The following SYNJ2 variants were observed in gnomAD, a reference collection of about 807,000 sequenced individuals.
SYNJ2 encodes polyphosphatidylinositol phosphatase SYNJ2.
A neutral mutation model predicts 141.3 loss-of-function variants in SYNJ2; 116 were observed. The ratio of observed to expected loss-of-function variants is 0.82; its 90% CI spans 0.71 to 0.96. The LOEUF (loss-of-function observed/expected upper bound fraction) is 0.96. Among genes scored for constraint, SYNJ2 ranks in the 40% least tolerant of loss-of-function variants. The pLI, the probability that SYNJ2 is intolerant of heterozygous loss-of-function variation, is 0.00. For synonymous variants in SYNJ2, 745 were observed against 777.7 expected (o/e 0.96, Z 0.70); for missense variants, 1,873 against 1,934.8 (o/e 0.97, Z 0.60).
Position 158,026,916 on chromosome 6 carries a change from A to G in SYNJ2, c.215-1840A>G. On this transcript the variant is annotated intron_variant, in intron 2 of 26. Transcript: ENST00000355585. The stretch of plus-strand genomic sequence containing the variant: ...GGAACCCCACCTATCCTACTTGAGA[A>G]GCTGAACTCTGACCCCTGTCCCTGT... 5 of 985,376 alleles carry G rather than the reference A, an allele frequency of 5.1e-6. No individual in the cohort carries two copies. In the South Asian group the frequency reaches 2.3e-4, roughly 46 times the overall value. 61.0% of individuals were successfully genotyped at this position (985,376 alleles called of 1,614,324 possible). A position where few individuals can be genotyped will look rare whatever the true frequency, so the allele number is the denominator to read the frequency against.
intron 25 of SYNJ2, among the ~76,000 whole-genome samples, chr6:158,091,945 G>A (rs1783484763): frequency 1.3e-5 from 2 of 152,094 alleles, no homozygotes; most frequent in Admixed American, 1.3e-4. Flanking sequence ...AAGGAGGCCT[G>A]GGTGGGGAGT....
intron 1 of SYNJ2, among the ~76,000 whole-genome samples, chr6:158,008,519 G>A (rs944652036): frequency 2.0e-5 from 3 of 152,196 alleles, no homozygotes; most frequent in African/African-American, 7.2e-5. Flanking sequence ...TGGTGCTGCT[G>A]GTGTGAGGAG....
At position 158,063,956 on chromosome 6, in the gene SYNJ2, G is replaced by A. The variant is rs145316502; in HGVS notation, c.1209+84G>A. On this transcript the variant is annotated intron_variant, in intron 9 of 26. Coordinates refer to ENST00000355585, the MANE Select transcript of SYNJ2 (RefSeq NM_003898.4). Reference sequence around the variant, plus strand: ...ACAGGCTGGGCTGAGCACCTTTAGCGGCAAGATGAGGGTGGCATCACCAAG... The same window carrying A: ...ACAGGCTGGGCTGAGCACCTTTAGCAGCAAGATGAGGGTGGCATCACCAAG... 1.8e-3 allele frequency: 2,524 copies of A among 1,401,120 alleles called. 43 individuals carry two copies. The African/African-American group carries it at 0.03, about 17-fold the overall frequency. The allele number at this position is 1,401,120 out of a possible 1,614,324, so 86.8% of individuals were successfully genotyped here.
chr6:158,069,930 C>T (rs1479514094), intron 14 of SYNJ2, among the ~76,000 whole-genome samples: 1 of 152,226 alleles, frequency 6.6e-6, no homozygotes, highest in Non-Finnish European at 1.5e-5. Flanking sequence ...TGATTGTCAT[C>T]GCCCAAGCTC....
chr6:158,037,789 G>A (rs1018038546), intron 4 of SYNJ2, among the ~76,000 whole-genome samples: 1 of 152,222 alleles, frequency 6.6e-6, no homozygotes, highest in Non-Finnish European at 1.5e-5. Context: ...TTCACCATAT[G>A]GTTTTTGGAA....
chr6:158,020,718 CT>C (rs1439626928), intron 2 of SYNJ2, among the ~76,000 whole-genome samples: 3 of 151,546 alleles, frequency 2.0e-5, no homozygotes, highest in Non-Finnish European at 4.4e-5. Context: ...GTGACTCCAA[CT>C]TTCAGTTGCC....
chr6:158,068,124 C>T (rs1453618504), intron 12 of SYNJ2, among the ~76,000 whole-genome samples: 5 of 127,072 alleles, frequency 3.9e-5, no homozygotes, highest in African/African-American at 6.1e-5. Flanking sequence ...GACAGAGGGA[C>T]GGGGATTGTT....
chr6:158,007,188 G>A (rs191847735), intron 1 of SYNJ2, among the ~76,000 whole-genome samples: 92 of 152,020 alleles, frequency 6.1e-4, no homozygotes, highest in Non-Finnish European at 1.1e-3. Flanking sequence ...GGTTGTTCTC[G>A]AACTCCTGAG....
intron 5 of SYNJ2, among the ~76,000 whole-genome samples, chr6:158,052,309 A>C (rs1310123165): frequency 1.3e-5 from 2 of 152,264 alleles, no homozygotes; most frequent in Non-Finnish European, 2.9e-5. Flanking sequence ...GATTCACTAA[A>C]TTTTAACCTT....
chr6:157,983,198 T>C (rs1463622254), intron 1 of SYNJ2, among the ~76,000 whole-genome samples: 1 of 152,244 alleles, frequency 6.6e-6, no homozygotes, highest in Admixed American at 6.5e-5. Flanking sequence ...TTGGAAGGAC[T>C]ATCTCTCCTA....
intron 1 of SYNJ2, among the ~76,000 whole-genome samples, chr6:157,995,635 G>T (rs961596547): frequency 6.6e-6 from 1 of 152,204 alleles, no homozygotes; most frequent in African/African-American, 2.4e-5. Context: ...TTTGGCATGC[G>T]CCAGGAGACA....
In SYNJ2 at chr6:158,059,262, T is replaced by C. The variant is rs1781054986; in HGVS notation, c.863T>C (p.Met288Thr). The C allele has an allele frequency of 3.2e-6, 5 of 1,549,108 alleles. No individual in the cohort carries two copies. Among genetic ancestry groups the C allele is most frequent in the Non-Finnish European group, 4.4e-6 (5 of 1,146,442 alleles). ...EANAPAFDRH[M>T]VLLKEQYGQQ... Reference sequence around the variant, plus strand: ...CCACCCCGCTGCCTTTGCAGGCACATGGTGCTTCTGAAGGAGCAGTACGGG... The same window carrying C: ...CCACCCCGCTGCCTTTGCAGGCACACGGTGCTTCTGAAGGAGCAGTACGGG... The change falls in exon 7 of 27, where the codon ATG becomes ACG. Residue 288 changes from methionine to threonine, a missense_variant. Transcript: ENST00000355585.
At position 158,095,875 on chromosome 6, in the gene SYNJ2, G is replaced by A. The variant is rs3749847; in HGVS notation, c.4002G>A (p.Pro1334=). The change falls in exon 27 of 27, where the codon CCG becomes CCA. Residue 1334 remains proline, a synonymous_variant. Coordinates refer to ENST00000355585, the MANE Select transcript of SYNJ2 (RefSeq NM_003898.4). ...CGCCTCTTGTGCCCAAGGTACCCCC[G>A]AGGAGGAAGAAGTCAGCCCCCGCAG... ...EAPPLVPKVP[P]RRKKSAPAAF... 109 of 1,614,096 alleles carry A rather than the reference G, an allele frequency of 6.8e-5. 1 individual carries two copies. Among genetic ancestry groups the A allele is most frequent in the African/African-American group, 3.7e-4 (28 of 75,038 alleles).
chr6:158,084,259 CTG>C lies in SYNJ2; in HGVS notation c.3208+90_3208+91del. On this transcript the variant is annotated intron_variant, in intron 22 of 26. Transcript: ENST00000355585. This position sits in a 1 kb window ranked among gnomAD's most constrained non-coding sequence, Gnocchi z 5.0. ...TCCTTTTTCTCTTGGCGATTGGGCA[CTG>C]TGTGATATCAAGTATGCAGGTCCCA... 6.9e-7 allele frequency: 1 copy of C among 1,449,410 alleles called. No homozygotes were observed. Among genetic ancestry groups the C allele is most frequent in the Non-Finnish European group, 9.4e-7 (1 of 1,067,794 alleles). The allele number at this position is 1,449,410 out of a possible 1,614,324, so 89.8% of individuals were successfully genotyped here.
At chr6:157,981,411 C>T (rs888150941), upstream of SYNJ2, among the ~76,000 whole-genome samples, 1 of 152,224 alleles carries the variant, frequency 6.6e-6, no homozygotes, top group African/African-American at 2.4e-5. This position sits in a 1 kb window ranked among gnomAD's most constrained non-coding sequence, Gnocchi z 6.4. Flanking sequence ...CAGTTATGAC[C>T]CCGCTTCCCC....
chr6:158,092,368 CG>C (rs1783518771), intron 25 of SYNJ2, among the ~76,000 whole-genome samples: 1 of 152,178 alleles, frequency 6.6e-6, no homozygotes, highest in Non-Finnish European at 1.5e-5. Flanking sequence ...CTGCTGGGTG[CG>C]GTGGCTCACG....
Position 158,066,450 on chromosome 6 carries a change from C to T in SYNJ2, c.1532C>T (p.Pro511Leu). Reference protein sequence around the residue: ...LLDSTALLVTPRILKAMTERQ... With the variant: ...LLDSTALLVTLRILKAMTERQ... ...TTTTTATGCCTCCTGACAGTGACTC[C>T]CAGGATCCTGAAAGCTATGACTGAG... The change falls in exon 12 of 27, where the codon CCC (proline) becomes CTC (leucine). Residue 511 changes from proline to leucine, a missense_variant. Transcript: ENST00000355585. 6.2e-7 allele frequency: 1 copy of T among 1,614,178 alleles called. No individual in the cohort carries two copies. Among genetic ancestry groups the T allele is most frequent in the Non-Finnish European group, 8.5e-7 (1 of 1,180,044 alleles).
At chr6:157,992,401 C>CTTT (rs57905567) in intron 1 of SYNJ2, among the ~76,000 whole-genome samples, 1,611 of 120,092 alleles carry the variant, frequency 0.013, 3 homozygotes, top group South Asian at 0.022. Flanking sequence ...TGGCTTGTTT[C>CTTT]TTTTTTTTTT....
At chr6:158,025,828 T>C (rs1186441192) in intron 2 of SYNJ2, among the ~76,000 whole-genome samples, 2 of 152,168 alleles carry the variant, frequency 1.3e-5, no homozygotes, top group Admixed American at 6.5e-5. Flanking sequence ...GACGCATGCT[T>C]GTAATCTCAG....
Sources: allele counts gnomAD v4.1 joint callset (sites outside exome capture counted in the v4.1 genomes callset), GRCh38; gene constraint gnomAD v4.1.1; non-coding constraint Gnocchi (gnomAD v3.1); transcripts MANE v1.5; gene names NCBI Gene and HGNC (gene_info 2026-07-23, HGNC 2026-07-21).